Variants in ADAM17 observed in about 807,000 individuals in gnomAD.
ADAM17 encodes the protein ADAM metallopeptidase domain 17, also known as disintegrin and metalloproteinase domain-containing protein 17.
ADAM17 carries 39 observed loss-of-function variants against 96.7 expected under a neutral mutation model. The ratio of observed to expected loss-of-function variants is 0.40; its 90% CI spans 0.31 to 0.53. The LOEUF (loss-of-function observed/expected upper bound fraction) is 0.53, where lower values mean the gene tolerates loss of function less well. Ranked by LOEUF, ADAM17 falls within the 20% of genes least tolerant of loss-of-function variation. The pLI, the probability that ADAM17 is intolerant of heterozygous loss-of-function variation, is 0.44. For missense variants in ADAM17, 777 were observed against 1,013.2 expected, an observed-to-expected ratio of 0.77 and a Z score of 3.17; for synonymous variants, 344 against 359.2, an observed-to-expected ratio of 0.96 and a Z score of 0.48.
At position 9,543,344 on chromosome 2, in the gene ADAM17, T is replaced by G. The variant is rs184217620; in HGVS notation, c.98-59A>C. On this transcript the variant is annotated intron_variant, in intron 1 of 18. Transcript: ENST00000310823. The stretch of plus-strand genomic sequence containing the variant: ...AACCTAATAATCAATTGTAGTATCG[T>G]TAAAATGAGAGTGCCAGACAATAAA... The G allele has an allele frequency of 2.7e-3, 3,749 of 1,383,908 alleles. 124 individuals carry two copies. Among genetic ancestry groups the G allele is most frequent in the Non-Finnish European group, 4.4e-4 (458 of 1,047,142 alleles). The allele number at this position is 1,383,908 out of a possible 1,614,324, so 85.7% of individuals were successfully genotyped here. A position where few individuals can be genotyped will look rare whatever the true frequency, so the allele number is the denominator to read the frequency against.
At chr2:9,506,959 G>A (rs981913005) in intron 11 of ADAM17, 1 of 152,040 alleles carries the variant, frequency 6.6e-6, no homozygotes, top group Non-Finnish European at 1.5e-5. Context: ...TTGCATCCTT[G>A]TCATAAGACT....
rs1036403389 is a variant in ADAM17 at position 9,547,706 on chromosome 2, G to A, written c.98-4421C>T. On this transcript the variant is annotated intron_variant, in intron 1 of 18. Transcript: ENST00000310823. The stretch of plus-strand genomic sequence containing the variant: ...GGTCAGGCCATGAAGGGCTATGGAA[G>A]GAAATCAGGGATTCTGGGCTTTGGA... Among the ~76,000 whole-genome samples, 12 of 152,118 alleles carry A rather than the reference G, an allele frequency of 7.9e-5. 1 individual carries two copies. The highest frequency in any genetic ancestry group is 2.6e-4 in the Admixed American group (4 of 15,254).
intron 8 of ADAM17, among the ~76,000 whole-genome samples, chr2:9,520,738 C>T (rs1356041308): frequency 6.6e-6 from 1 of 151,802 alleles, no homozygotes; most frequent in Non-Finnish European, 1.5e-5. Context: ...CCGAGGCAGA[C>T]GGATCATCTG....
intron 17 of ADAM17, 53 bp downstream of exon 17, chr2:9,492,845 A>G (rs969191120): frequency 2.9e-5 from 42 of 1,458,964 alleles, no homozygotes; most frequent in Non-Finnish European, 3.7e-5. Flanking sequence ...ACATGGTTGG[A>G]GTTGATCAAA....
At chr2:9,549,371 T>C (rs966140618) in intron 1 of ADAM17, among the ~76,000 whole-genome samples, 9 of 152,216 alleles carry the variant, frequency 5.9e-5, no homozygotes, top group African/African-American at 2.2e-4. Context: ...TGAGACTCCA[T>C]CTCAAAAACA....
At chr2:9,514,558 TATATATATATAA>T (rs1445832647) in intron 10 of ADAM17, among the ~76,000 whole-genome samples, 2 of 61,950 alleles carry the variant, frequency 3.2e-5, no homozygotes, top group East Asian at 5.1e-4. Context: ...TATATATATA[TATATATATATAA>T]ATAAAAAGAG....
intron 12 of ADAM17, among the ~76,000 whole-genome samples, chr2:9,504,409 C>T (rs1394788463): frequency 2.0e-5 from 3 of 151,942 alleles, no homozygotes; most frequent in Non-Finnish European, 2.9e-5. Context: ...CGCGCCACTG[C>T]ACTCCAGCCT....
intron 6 of ADAM17, among the ~76,000 whole-genome samples, chr2:9,523,570 T>A (rs568470136): frequency 6.6e-6 from 1 of 152,330 alleles, no homozygotes; most frequent in African/African-American, 2.4e-5. Flanking sequence ...TTAACCTAAA[T>A]TTCAGGTACT....
chr2:9,549,182 C>T (rs945624613), intron 1 of ADAM17, among the ~76,000 whole-genome samples: 9 of 152,052 alleles, frequency 5.9e-5, no homozygotes, highest in Admixed American at 5.2e-4. Flanking sequence ...ACCAGCCTGG[C>T]CAACATGGTA....
intron 11 of ADAM17, among the ~76,000 whole-genome samples, chr2:9,506,359 GTTTTT>G (rs769256744): frequency 6.8e-5 from 5 of 73,242 alleles, no homozygotes; most frequent in Admixed American, 1.4e-4. Context: ...CTTCAAATCT[GTTTTT>G]TTTTTTTTTT....
At chr2:9,547,216 C>G (rs1665430281) in intron 1 of ADAM17, among the ~76,000 whole-genome samples, 1 of 152,100 alleles carries the variant, frequency 6.6e-6, no homozygotes, top group Non-Finnish European at 1.5e-5. Context: ...CACACACATT[C>G]TACACTTATT....
intron 1 of ADAM17, among the ~76,000 whole-genome samples, chr2:9,545,036 C>T (rs1461096566): frequency 6.6e-6 from 1 of 152,180 alleles, no homozygotes; most frequent in Non-Finnish European, 1.5e-5. Flanking sequence ...AGATCATAAT[C>T]ACTCCTACTG....
At chr2:9,552,001 G>A (rs940416588) in intron 1 of ADAM17, among the ~76,000 whole-genome samples, 1 of 152,096 alleles carries the variant, frequency 6.6e-6, no homozygotes, top group Non-Finnish European at 1.5e-5. Context: ...GTGTGTTAGG[G>A]GTAATGTGTG....
chr2:9,538,059 A>C (rs1163506513), intron 2 of ADAM17, among the ~76,000 whole-genome samples: 1 of 147,610 alleles, frequency 6.8e-6, no homozygotes, highest in African/African-American at 2.5e-5. Flanking sequence ...TGGGCTTACT[A>C]TTCTTTTTGT....
Position 9,505,339 on chromosome 2 carries a change from TG to T in ADAM17, c.1370del (p.Ser457Ter), listed in dbSNP as rs1217318302. 1 of 1,614,200 alleles carries T rather than the reference TG, an allele frequency of 6.2e-7. No homozygotes were observed. The highest frequency in any genetic ancestry group is 8.5e-7 in the Non-Finnish European group (1 of 1,180,034). ...NKMFSNCSKQ[S>X]IYKTIESKAQ... ...CCTTACTTTCAATGGTCTTATAGAT[TG>T]ATTGTTTACTGCAGTTTGAAAACAT... On this transcript the variant is annotated frameshift_variant, in exon 12 of 19. Transcript: ENST00000310823. LOFTEE classifies it high-confidence loss of function.
At chr2:9,546,899 G>C (rs1665421489) in intron 1 of ADAM17, among the ~76,000 whole-genome samples, 1 of 152,092 alleles carries the variant, frequency 6.6e-6, no homozygotes, top group African/African-American at 2.4e-5. Flanking sequence ...AGTAGAGAAG[G>C]GGTTTCACTG....
chr2:9,526,335 A>G (rs964758896), intron 5 of ADAM17, 91 bp from the exon 6 acceptor site: 6 of 1,351,468 alleles, frequency 4.4e-6, no homozygotes, highest in Non-Finnish European at 6.1e-6. Context: ...TTTTTGAAAC[A>G]AACATTATGT....
intron 6 of ADAM17, among the ~76,000 whole-genome samples, chr2:9,525,131 T>A (rs1664464077): frequency 6.6e-6 from 1 of 152,012 alleles, no homozygotes; most frequent in Non-Finnish European, 1.5e-5. Flanking sequence ...ACTAGCCTCA[T>A]AATAAATTCA....
intron 7 of ADAM17, among the ~76,000 whole-genome samples, chr2:9,522,994 A>G (rs1664373514): frequency 6.6e-6 from 1 of 152,202 alleles, no homozygotes; most frequent in South Asian, 2.1e-4. Flanking sequence ...TATAAAGGCC[A>G]TGAATTCAAA....
Sources: gnomAD v4.1 joint callset for allele counts (sites outside exome capture counted in the v4.1 genomes callset) on GRCh38, gnomAD v4.1.1 for gene constraint, MANE v1.5 for transcripts, NCBI Gene and HGNC (gene_info 2026-07-23, HGNC 2026-07-21) for gene names.